RANBP17: variants seen among roughly 807,000 people sequenced by gnomAD.
RANBP17 encodes RAN binding protein 17.
In RANBP17, 158 loss-of-function variants were observed where a neutral mutation model predicts 141.2. The observed-to-expected ratio is 1.12, with a 90% CI of 0.98 to 1.28. The LOEUF is 1.28. RANBP17 is among the 50% of genes most tolerant of loss of function. The probability of loss-of-function intolerance (pLI) is 0.00; values close to 1 mark genes in which losing one functional copy is unlikely to be tolerated. For synonymous variants in RANBP17, 430 were observed against 450.0 expected (o/e 0.96, Z 0.56); for missense variants, 1,438 against 1,290.7 (o/e 1.11, Z -1.75).
chr5:171,270,576 TCA>T (rs570231204), intron 25 of RANBP17, among the ~76,000 whole-genome samples: 464 of 152,294 alleles, frequency 3.0e-3, no homozygotes, highest in African/African-American at 0.011. Flanking sequence ...TGAAATTTTT[TCA>T]GTTTCGTCAC....
At chr5:171,245,567 G>A (rs1423111329) in intron 24 of RANBP17, among the ~76,000 whole-genome samples, 1 of 152,160 alleles carries the variant, frequency 6.6e-6, no homozygotes, top group Non-Finnish European at 1.5e-5. Flanking sequence ...TCTTGCCTCA[G>A]CCTCCCAAAG....
At chr5:171,252,244 A>G in intron 24 of RANBP17, 1 of 1,573,830 alleles carries the variant, frequency 6.4e-7, no homozygotes, top group Non-Finnish European at 8.7e-7. Flanking sequence ...AGAAGAGAGA[A>G]AGCAAGAAAA....
intron 20 of RANBP17, among the ~76,000 whole-genome samples, chr5:171,208,782 A>G (rs1453367004): frequency 1.3e-5 from 2 of 152,196 alleles, no homozygotes; most frequent in African/African-American, 4.8e-5. Flanking sequence ...CTTTCCATAA[A>G]ACAAGACTAA....
intron 14 of RANBP17, among the ~76,000 whole-genome samples, chr5:171,064,908 A>G (rs1003759566): frequency 2.6e-5 from 4 of 152,002 alleles, no homozygotes; most frequent in African/African-American, 4.8e-5. Context: ...GAATGTAACT[A>G]TTTATCTGCG....
intron 5 of RANBP17, among the ~76,000 whole-genome samples, chr5:170,903,327 C>T (rs534274711): frequency 1.3e-5 from 2 of 152,294 alleles, no homozygotes; most frequent in Non-Finnish European, 2.9e-5. Context: ...GGTGGACGCC[C>T]CTCCCCCCAC....
At chr5:171,109,205 T>A (rs1055833550) in intron 14 of RANBP17, among the ~76,000 whole-genome samples, 1 of 152,200 alleles carries the variant, frequency 6.6e-6, no homozygotes, top group Non-Finnish European at 1.5e-5. Context: ...TATTAACACA[T>A]CAATGTATTA....
At chr5:171,172,691 A>G (rs890780802) in intron 16 of RANBP17, among the ~76,000 whole-genome samples, 1 of 151,884 alleles carries the variant, frequency 6.6e-6, no homozygotes, top group African/African-American at 2.4e-5. Context: ...ATTTTATAGC[A>G]TATATCTATT....
intron 14 of RANBP17, among the ~76,000 whole-genome samples, chr5:170,998,988 A>T (rs941599056): frequency 1.3e-5 from 2 of 152,092 alleles, no homozygotes; most frequent in African/African-American, 2.4e-5. Context: ...TATCTTGATA[A>T]ATCATCTGCT....
At chr5:170,911,865 T>G (rs1223719377) in intron 7 of RANBP17, among the ~76,000 whole-genome samples, 1 of 151,822 alleles carries the variant, frequency 6.6e-6, no homozygotes, top group Non-Finnish European at 1.5e-5. Flanking sequence ...GCACCTAAGG[T>G]ACCTCTGAAC....
At chr5:171,177,871 A>C (rs1169719720) in intron 16 of RANBP17, among the ~76,000 whole-genome samples, 2 of 152,104 alleles carry the variant, frequency 1.3e-5, no homozygotes, top group Non-Finnish European at 2.9e-5. Context: ...CTTCCTTTAT[A>C]GTTTCAAAAC....
chr5:171,170,646 C>G (rs554307413), intron 15 of RANBP17, among the ~76,000 whole-genome samples: 8 of 152,172 alleles, frequency 5.3e-5, no homozygotes, highest in Admixed American at 4.6e-4. Context: ...GGAAACTGTC[C>G]TTATATTGGA....
chr5:171,192,788 T>A (rs1761733588), intron 18 of RANBP17, among the ~76,000 whole-genome samples: 2 of 152,186 alleles, frequency 1.3e-5, no homozygotes. Flanking sequence ...TTAGGGCTAT[T>A]ATTTTCCTGT....
chr5:171,151,125 G>A (rs889542081), intron 14 of RANBP17, among the ~76,000 whole-genome samples: 4 of 152,054 alleles, frequency 2.6e-5, no homozygotes, highest in Non-Finnish European at 2.9e-5. Context: ...TTTGACCTTT[G>A]TCACTACCCA....
chr5:170,968,678 CATAAG>C (rs1298323480), intron 14 of RANBP17: 4 of 476,244 alleles, frequency 8.4e-6, no homozygotes, highest in Non-Finnish European at 8.3e-6. Context: ...AGACTGAAAG[CATAAG>C]ATTTGCTTTT....
chr5:171,096,934 C>T (rs1786738365), intron 14 of RANBP17, among the ~76,000 whole-genome samples: 3 of 152,040 alleles, frequency 2.0e-5, no homozygotes, highest in South Asian at 4.1e-4. Flanking sequence ...ATCTTTAGTA[C>T]AAGAAGGATT....
chr5:170,919,941 A>AT lies in RANBP17; in HGVS notation c.1274+335dup, dbSNP rs566365872. 2.0e-3 allele frequency among the ~76,000 whole-genome samples: 297 copies of AT among 151,340 alleles called. 1 individual carries two copies. Among genetic ancestry groups the AT allele is most frequent in the African/African-American group, 6.8e-3 (281 of 41,232 alleles). ...ATACAGTATGCAGCTTTTTAGTCTG[A>AT]TTTTTTTCCACTTAGCATAATGCAT... On this transcript the variant is annotated intron_variant, in intron 11 of 27. Transcript: ENST00000523189.
chr5:171,280,394 C>A (rs1767782686), intron 25 of RANBP17, among the ~76,000 whole-genome samples: 1 of 152,214 alleles, frequency 6.6e-6, no homozygotes, highest in South Asian at 2.1e-4. Flanking sequence ...CCTCTCACCT[C>A]AGCCTCGCAA....
chr5:171,155,492 C>T lies in RANBP17; in HGVS notation c.1711-14638C>T, dbSNP rs558799958. Reference sequence around the variant, plus strand: ...ATAAGTTATGAAATATAGCAGAGTTCTCCACATACATTGATGTTATACAAT... The same window carrying T: ...ATAAGTTATGAAATATAGCAGAGTTTTCCACATACATTGATGTTATACAAT... On this transcript the variant is annotated intron_variant, in intron 14 of 27. Coordinates refer to ENST00000523189, the MANE Select transcript of RANBP17 (RefSeq NM_022897.5). Among the ~76,000 whole-genome samples the T allele has an allele frequency of 9.9e-5, 15 of 152,162 alleles. No homozygotes were observed. The South Asian group carries it at 2.9e-3, about 30-fold the overall frequency.
intron 13 of RANBP17, among the ~76,000 whole-genome samples, chr5:170,961,192 T>G (rs1429700890): frequency 6.6e-6 from 1 of 151,114 alleles, no homozygotes; most frequent in Non-Finnish European, 1.5e-5. Context: ...TTCCTCTTGA[T>G]AGATTATAGA....
Sources: gnomAD v4.1 joint callset for allele counts (sites outside exome capture counted in the v4.1 genomes callset) on GRCh38, gnomAD v4.1.1 for gene constraint, MANE v1.5 for transcripts, NCBI Gene and HGNC (gene_info 2026-07-23, HGNC 2026-07-21) for gene names.